Variants in RAD21 observed in about 807,000 individuals in gnomAD.
The protein encoded by RAD21 is RAD21 cohesin complex component, also known as double-strand-break repair protein rad21 homolog.
In RAD21, 18 loss-of-function variants were observed where a neutral mutation model predicts 71.5. That is an observed-to-expected ratio of 0.25 (90% confidence interval 0.17 to 0.37). RAD21 has a LOEUF of 0.37. RAD21 is among the 10% of genes least tolerant of loss of function. RAD21 has a pLI of 1.00. For synonymous variants in RAD21, 248 were observed against 254.0 expected (o/e 0.98, Z 0.22); for missense variants, 493 against 769.1 (o/e 0.64, Z 4.25).
chr8:116,862,756 A>T (rs1212335218), intron 3 of RAD21, among the ~76,000 whole-genome samples: 1 of 152,176 alleles, frequency 6.6e-6, no homozygotes, highest in Admixed American at 6.6e-5. Flanking sequence ...TAGGAAAAAA[A>T]GTTTAAAATC....
rs16888901 is a variant in RAD21, at chr8:116,851,749, G to C, written c.1470+199C>G. 5.1e-3 allele frequency: 2,387 copies of C among 469,384 alleles called. 52 individuals are homozygous for C. The highest frequency in any genetic ancestry group is 0.041 in the African/African-American group (2,148 of 52,004). The allele number at this position is 469,384 out of a possible 1,614,324, so 29.1% of individuals were successfully genotyped here. On this transcript the variant is annotated intron_variant, in intron 11 of 13. Transcript: ENST00000297338. Reference sequence around the variant, plus strand: ...AGCAATACTATTCAAAAAGAGTCAGGAAAGACTGCACCGACTCCCAGAACA... The same window carrying C: ...AGCAATACTATTCAAAAAGAGTCAGCAAAGACTGCACCGACTCCCAGAACA...
chr8:116,852,306 C>A, intron 10 of RAD21: 1 of 640,124 alleles, frequency 1.6e-6, no homozygotes, highest in Non-Finnish European at 2.6e-6. Context: ...CAAGTCCTAC[C>A]CTCAGTACAA....
chr8:116,858,042 A>G (rs569070684), intron 5 of RAD21, among the ~76,000 whole-genome samples: 6 of 152,346 alleles, frequency 3.9e-5, no homozygotes, highest in African/African-American at 1.2e-4. Context: ...AATAGCAAGT[A>G]TAACAGGGAA....
intron 3 of RAD21, among the ~76,000 whole-genome samples, chr8:116,862,234 A>G (rs1178055551): frequency 6.6e-6 from 1 of 152,136 alleles, no homozygotes; most frequent in Non-Finnish European, 1.5e-5. Flanking sequence ...TATGAGGGGG[A>G]AAAAGAATAA....
chr8:116,856,978 GT>G (rs1812483690), intron 6 of RAD21, among the ~76,000 whole-genome samples: 1 of 129,644 alleles, frequency 7.7e-6, no homozygotes, highest in African/African-American at 3.3e-5. Flanking sequence ...GTATTTTCTA[GT>G]TTATTTATCT....
intron 5 of RAD21, among the ~76,000 whole-genome samples, chr8:116,857,738 A>G (rs1316719743): frequency 6.6e-6 from 1 of 152,188 alleles, no homozygotes; most frequent in African/African-American, 2.4e-5. Flanking sequence ...ATGTTTGATA[A>G]ACTCTAAATA....
At chr8:116,863,002 G>C (rs1333418877) in intron 3 of RAD21, 128 bp downstream of exon 3, 1 of 1,226,650 alleles carries the variant, frequency 8.2e-7, no homozygotes, top group African/African-American at 1.5e-5. Context: ...ATCTTTGAAG[G>C]GTTCCTCGTA....
chr8:116,863,694 G>A (rs187588435), intron 2 of RAD21, among the ~76,000 whole-genome samples: 54 of 152,194 alleles, frequency 3.5e-4, no homozygotes, highest in African/African-American at 1.3e-3. Context: ...ATGCCAGAGA[G>A]TTTCTGAGAA....
rs957917278 is a variant in RAD21, at chr8:116,859,649, T to C, written c.375-1191A>G. Among the ~76,000 whole-genome samples the C allele has an allele frequency of 2.6e-5, 4 of 152,260 alleles. 1 individual carries two copies. The highest frequency in any genetic ancestry group is 2.6e-4 in the Admixed American group (4 of 15,274). ...ATGTTCTGTGTGTTCTGACTGCTCC[T>C]GCCCTCCCCCACCCCCGCAATGTTT... On this transcript the variant is annotated intron_variant, in intron 4 of 13. Coordinates refer to ENST00000297338, the MANE Select transcript of RAD21 (RefSeq NM_006265.3).
intron 1 of RAD21, among the ~76,000 whole-genome samples, chr8:116,869,486 G>A (rs1812765894): frequency 6.6e-6 from 1 of 152,162 alleles, no homozygotes; most frequent in South Asian, 2.1e-4. Flanking sequence ...TCAGGTGGCT[G>A]AGGCAGGAGG....
chr8:116,864,089 C>T (rs1376010310), intron 2 of RAD21, among the ~76,000 whole-genome samples: 1 of 151,500 alleles, frequency 6.6e-6, no homozygotes, highest in South Asian at 2.1e-4. Context: ...AACCTTTTTT[C>T]GAGGCAGATC....
rs1812247495 is a variant in RAD21 at position 116,846,019 on chromosome 8, C to T, written c.*1481G>A. The T allele has an allele frequency of 8.7e-6, 2 of 230,416 alleles. No individual in the cohort carries two copies. Among genetic ancestry groups the T allele is most frequent in the Non-Finnish European group, 1.7e-5 (2 of 116,108 alleles). The allele number at this position is 230,416 out of a possible 1,614,324, so 14.3% of individuals were successfully genotyped here. ...CAAGAACAATATTAAACCCGATAAG[C>T]AACAAAAACCAGACTAACAAAATGT... is the stretch of plus-strand genomic sequence containing the variant. On this transcript the variant is annotated 3_prime_UTR_variant, in exon 14 of 14. Coordinates refer to ENST00000297338, the MANE Select transcript of RAD21 (RefSeq NM_006265.3).
chr8:116,868,690 A>C (rs957170514), intron 1 of RAD21, among the ~76,000 whole-genome samples: 21 of 152,290 alleles, frequency 1.4e-4, no homozygotes, highest in Non-Finnish European at 5.9e-5. Flanking sequence ...AAATTAGTCT[A>C]TTTGATTTCA....
At position 116,860,719 on chromosome 8, in the gene RAD21, T is replaced by C. The variant is rs146358453; in HGVS notation, c.374+1122A>G. Among the ~76,000 whole-genome samples, 30 of 152,306 alleles carry C rather than the reference T, an allele frequency of 2.0e-4. No homozygotes were observed. In the East Asian group the frequency reaches 5.4e-3, roughly 27 times the overall value. On this transcript the variant is annotated intron_variant, in intron 4 of 13. Transcript: ENST00000297338. Reference sequence around the variant, plus strand: ...TGTGAAACCCAAAAATTTGTGTAACTTGCTTTACTGTGGTGGAACCAAACC... The same window carrying C: ...TGTGAAACCCAAAAATTTGTGTAACCTGCTTTACTGTGGTGGAACCAAACC...
chr8:116,862,737 ATATT>A (rs1484865433), intron 3 of RAD21, among the ~76,000 whole-genome samples: 2 of 152,158 alleles, frequency 1.3e-5, no homozygotes, highest in Non-Finnish European at 2.9e-5. Flanking sequence ...ACTACGAAGA[ATATT>A]TACTTAGGAA....
chr8:116,863,600 G>C (rs1472045188), intron 2 of RAD21, among the ~76,000 whole-genome samples: 1 of 152,086 alleles, frequency 6.6e-6, no homozygotes, highest in East Asian at 1.9e-4. Context: ...CCCCCACATT[G>C]ACAGATGTCT....
rs1812330497 is a variant in RAD21 at position 116,850,649 on chromosome 8, T to G, written c.1589A>C (p.Glu530Ala). ...ELLPEKEKEK[E>A]KEKEDDEEEE... The stretch of plus-strand genomic sequence containing the variant: ...CTCTTCATCATCTTCTTTTTCCTTC[T>G]CTTTCTCCTTCTCTTTTTCTGGCAG... The change falls in exon 12 of 14, where the codon GAG (glutamate) becomes GCG (alanine). Residue 530 changes from glutamate (E) to alanine (A), a missense_variant. This residue lies in a region of RAD21 where 225 missense variants were observed against 218.3 expected (regional missense o/e 1.03). Coordinates refer to ENST00000297338, the MANE Select transcript of RAD21 (RefSeq NM_006265.3). 6.2e-7 allele frequency: 1 copy of G among 1,609,652 alleles called. No individual in the cohort carries two copies. The highest frequency in any genetic ancestry group is 8.5e-7 in the Non-Finnish European group (1 of 1,176,384).
intron 13 of RAD21, 120 bp from the exon 14 acceptor site, chr8:116,847,811 A>G: frequency 1.0e-6 from 1 of 982,498 alleles, no homozygotes; most frequent in Non-Finnish European, 1.5e-6. Context: ...GTAATTTCCC[A>G]GTGTTAGAGA....
At chr8:116,856,370 T>G in intron 7 of RAD21, 82 bp from the exon 8 acceptor site, 3 of 1,323,044 alleles carry the variant, frequency 2.3e-6, no homozygotes, top group Non-Finnish European at 2.9e-6. Flanking sequence ...AGGAGAAAAA[T>G]CTCTTCATGA....
Sources: gnomAD v4.1 joint callset for allele counts (sites outside exome capture counted in the v4.1 genomes callset) on GRCh38, gnomAD v4.1.1 for gene constraint, gnomAD v4.1.1 regional missense constraint, MANE v1.5 for transcripts, NCBI Gene and HGNC (gene_info 2026-07-23, HGNC 2026-07-21) for gene names.